The following MYRF variants were observed in gnomAD, a reference collection of about 807,000 sequenced individuals.
MYRF encodes the protein myelin regulatory factor.
In MYRF, 16 loss-of-function variants were observed where a neutral mutation model predicts 126.3. The ratio of observed to expected loss-of-function variants is 0.13; its 90% CI spans 0.09 to 0.19. The LOEUF is 0.19. Among genes scored for constraint, MYRF ranks in the 10% least tolerant of loss-of-function variants. The probability of loss-of-function intolerance (pLI) is 1.00; values close to 1 mark genes in which losing one functional copy is unlikely to be tolerated. For synonymous variants in MYRF, 608 were observed against 635.3 expected, an observed-to-expected ratio of 0.96 and a Z score of 0.65; for missense variants, 1,104 against 1,547.0, an observed-to-expected ratio of 0.71 and a Z score of 4.80.
At chr11:61,752,960 G>T (rs2065646631) in intron 1 of MYRF, among the ~76,000 whole-genome samples, 170 bp downstream of exon 1, 1 of 151,900 alleles carries the variant, frequency 6.6e-6, no homozygotes, top group African/African-American at 2.4e-5. Context: ...GTCCCCCAGC[G>T]GTTACCACCC....
intron 7 of MYRF, among the ~76,000 whole-genome samples, chr11:61,773,642 G>A (rs2066286765): frequency 6.6e-6 from 1 of 152,168 alleles, no homozygotes; most frequent in African/African-American, 2.4e-5. Flanking sequence ...TGTGGGGAGG[G>A]CAGTCAAGCC....
Position 61,777,628 on chromosome 11 carries a change from G to A in MYRF, c.1792-106G>A, listed in dbSNP as rs1237270332. ...CCGATCTAACCACTCCAGTGGTGGG[G>A]TCTCCTCTCCACACTGCAGCCTCCA... On this transcript the variant is annotated intron_variant, in intron 12 of 26. Coordinates refer to ENST00000278836, the MANE Select transcript of MYRF (RefSeq NM_001127392.3). This position sits in a 1 kb window ranked among gnomAD's most constrained non-coding sequence, Gnocchi z 8.8. 6 of 1,311,734 alleles carry A rather than the reference G, an allele frequency of 4.6e-6. No individual in the cohort carries two copies. Among genetic ancestry groups the A allele is most frequent in the African/African-American group, 1.5e-5 (1 of 68,014 alleles). 81.3% of individuals were successfully genotyped at this position (1,311,734 alleles called of 1,614,324 possible). A position where few individuals can be genotyped will look rare whatever the true frequency, so the allele number is the denominator to read the frequency against.
At position 61,778,502 on chromosome 11, in the gene MYRF, G is replaced by C; in HGVS notation, c.2013+13G>C. The C allele has an allele frequency of 6.3e-7, 1 of 1,585,058 alleles. No homozygotes were observed. The highest frequency in any genetic ancestry group is 8.7e-7 in the Non-Finnish European group (1 of 1,153,590). ...GGTGGTGAACAAGGTCTGTGGGTGG[G>C]GGAATGGGAGGGAGCCCAGAGGCAA... On this transcript the variant is annotated intron_variant, in intron 14 of 26. Coordinates refer to ENST00000278836, the MANE Select transcript of MYRF (RefSeq NM_001127392.3). This position sits in a 1 kb window ranked among gnomAD's most constrained non-coding sequence, Gnocchi z 4.6.
At position 61,778,926 on chromosome 11, in the gene MYRF, T is replaced by G; in HGVS notation, c.2014-337T>G. On this transcript the variant is annotated intron_variant, in intron 14 of 26. Transcript: ENST00000278836. The surrounding 1 kb of genome is among the most constrained non-coding windows in gnomAD (Gnocchi z 4.6). ...AGCTGAATAGTGAAGTGCTGACATC[T>G]GAGACACCAGTCATCCGAGGGGCAG... 2 of 585,670 alleles carry G rather than the reference T, an allele frequency of 3.4e-6. No individual in the cohort carries two copies. Among genetic ancestry groups the G allele is most frequent in the Non-Finnish European group, 6.4e-6 (2 of 310,560 alleles). The allele number at this position is 585,670 out of a possible 1,614,324, so 36.3% of individuals were successfully genotyped here. A position where few individuals can be genotyped will look rare whatever the true frequency, so the allele number is the denominator to read the frequency against.
chr11:61,777,124 G>T lies in MYRF; in HGVS notation c.1591-140G>T. 1 of 919,788 alleles carries T rather than the reference G, an allele frequency of 1.1e-6. No individual in the cohort carries two copies. 57.0% of individuals were successfully genotyped at this position (919,788 alleles called of 1,614,324 possible). A position where few individuals can be genotyped will look rare whatever the true frequency, so the allele number is the denominator to read the frequency against. On this transcript the variant is annotated intron_variant, in intron 11 of 26. Transcript: ENST00000278836. The surrounding 1 kb of genome is among the most constrained non-coding windows in gnomAD (Gnocchi z 8.8). ...TGACAAAAAGTTGTCACAGTGGGAG[G>T]GACAGTTCAAGTTGGGCTTGGTGCA...
At chr11:61,784,422 C>T (rs767356529) in intron 25 of MYRF, 37 bp downstream of exon 25, 26 of 1,556,076 alleles carry the variant, frequency 1.7e-5, no homozygotes, top group South Asian at 2.3e-5. Context: ...CGGCCAGGCC[C>T]GAGCTGCTTC....
At chr11:61,784,064 T>G in intron 24 of MYRF, 139 bp downstream of exon 24, 1 of 1,131,052 alleles carries the variant, frequency 8.8e-7, no homozygotes, top group Non-Finnish European at 1.3e-6. Flanking sequence ...CTGACTTCAT[T>G]GCCTACTTCG....
chr11:61,761,264 G>GC (rs1555053559), intron 1 of MYRF, among the ~76,000 whole-genome samples: 4 of 151,584 alleles, frequency 2.6e-5, no homozygotes, highest in African/African-American at 4.8e-5. Flanking sequence ...GCTGGTGGGG[G>GC]GGGGGGCACA....
intron 7 of MYRF, 151 bp downstream of exon 7, chr11:61,772,103 C>A: frequency 8.3e-7 from 1 of 1,208,382 alleles, no homozygotes; most frequent in Non-Finnish European, 1.1e-6. Flanking sequence ...GACTGGCAGT[C>A]AGGGCTCCTG....
chr11:61,784,657 A>G, intron 25 of MYRF: 1 of 404,306 alleles, frequency 2.5e-6, no homozygotes, highest in Non-Finnish European at 4.5e-6. Context: ...GGATGAGTGC[A>G]ATGATGGAAA....
chr11:61,784,445 A>G (rs1356912380), intron 25 of MYRF, 60 bp downstream of exon 25: 6 of 1,419,928 alleles, frequency 4.2e-6, no homozygotes, highest in African/African-American at 1.4e-5. Flanking sequence ...TCCTGGCACA[A>G]CTGGGCCCCA....
At chr11:61,759,519 A>G (rs2065848980) in intron 1 of MYRF, among the ~76,000 whole-genome samples, 1 of 151,986 alleles carries the variant, frequency 6.6e-6, no homozygotes, top group African/African-American at 2.4e-5. Context: ...AAAATACAAC[A>G]ATTAGCCAGG....
At position 61,779,428 on chromosome 11, in the gene MYRF, G is replaced by A; in HGVS notation, c.2174+5G>A. 1 of 1,551,090 alleles carries A rather than the reference G, an allele frequency of 6.4e-7. No individual in the cohort carries two copies. The highest frequency in any genetic ancestry group is 2.4e-5 in the East Asian group (1 of 40,974). Reference sequence around the variant, plus strand: ...CGGCAGCTCGGGCGCCTTCAGGTAGGGGTGCGGGGTGGGGGAAGGTGAGAC... The same window carrying A: ...CGGCAGCTCGGGCGCCTTCAGGTAGAGGTGCGGGGTGGGGGAAGGTGAGAC... On this transcript the variant is annotated splice_donor_5th_base_variant and intron_variant, in intron 15 of 26. Coordinates refer to ENST00000278836, the MANE Select transcript of MYRF (RefSeq NM_001127392.3).
chr11:61,775,293 C>T (rs564136378), intron 8 of MYRF, among the ~76,000 whole-genome samples: 6 of 152,276 alleles, frequency 3.9e-5, no homozygotes, highest in Middle Eastern at 3.4e-3. Flanking sequence ...CCCTGCCCTC[C>T]GCTCCAGCTC....
In MYRF at chr11:61,781,055, T is replaced by C. The variant is rs771354185; in HGVS notation, c.2572+10T>C. ...CCCTCTTTGCTGCTGGGTGCGTGTCTGGGCAGGTCTGGGTAGGACAGGGAG... is the reference window on the plus strand; with the variant it reads ...CCCTCTTTGCTGCTGGGTGCGTGTCCGGGCAGGTCTGGGTAGGACAGGGAG... On this transcript the variant is annotated intron_variant, in intron 20 of 26. Transcript: ENST00000278836. The C allele has an allele frequency of 1.9e-6, 3 of 1,609,818 alleles. No individual in the cohort carries two copies. Among genetic ancestry groups the C allele is most frequent in the Non-Finnish European group, 2.5e-6 (3 of 1,179,894 alleles).
Position 61,770,287 on chromosome 11 carries a change from C to T in MYRF, c.502C>T (p.His168Tyr), listed in dbSNP as rs368972206. The T allele has an allele frequency of 1.6e-5, 25 of 1,608,034 alleles. No homozygotes were observed. In the African/African-American group the frequency reaches 3.1e-4, roughly 20 times the overall value. The change falls in exon 5 of 27, where the codon CAC becomes TAC. Residue 168 changes from histidine to tyrosine, a missense_variant. His to Tyr is a moderately conservative substitution (Grantham distance 83). Coordinates refer to ENST00000278836, the MANE Select transcript of MYRF (RefSeq NM_001127392.3). ...CACGATAACCCCTGAGACACTGTGC[C>T]ACGTGGGAGTGCCCTCCCGCCTGGA... ...LRTITPETLC[H>Y]VGVPSRLEHP...
At chr11:61,782,915 G>C (rs945137230) in intron 22 of MYRF, 1 of 152,560 alleles carries the variant, frequency 6.6e-6, no homozygotes, top group Non-Finnish European at 1.5e-5. Context: ...CCCCTTCCTG[G>C]GTGGATAGTC....
In MYRF at chr11:61,766,041, A is replaced by G; in HGVS notation, c.218A>G (p.His73Arg). The G allele has an allele frequency of 6.3e-7, 1 of 1,598,948 alleles. No individual in the cohort carries two copies. The highest frequency in any genetic ancestry group is 8.5e-7 in the Non-Finnish European group (1 of 1,175,260). Reference sequence around the variant, plus strand: ...GCGATGCCTGGCTCCAGCGGGGTCCACCACCTGAGCCCCCCTGGGGGTGGA... The same window carrying G: ...GCGATGCCTGGCTCCAGCGGGGTCCGCCACCTGAGCCCCCCTGGGGGTGGA... ...QPAMPGSSGVHHLSPPGGGPS... is the reference protein window; with the variant it reads ...QPAMPGSSGVRHLSPPGGGPS... Residue 73 changes from histidine to arginine, a missense_variant, in exon 3 of 27, where the codon CAC becomes CGC. Physicochemically the swap from His to Arg is conservative, Grantham distance 29 (BLOSUM62 0). Transcript: ENST00000278836.
chr11:61,779,229 T>G (rs897244119), intron 14 of MYRF, 34 bp from the exon 15 acceptor site: 37 of 1,520,664 alleles, frequency 2.4e-5, no homozygotes, highest in Non-Finnish European at 3.3e-5. Flanking sequence ...CCCTCTGTGT[T>G]GGCCCATGGC....
Sources: allele counts gnomAD v4.1 joint callset (sites outside exome capture counted in the v4.1 genomes callset), GRCh38; gene constraint gnomAD v4.1.1; non-coding constraint Gnocchi (gnomAD v3.1); transcripts MANE v1.5; gene names NCBI Gene and HGNC (gene_info 2026-07-23, HGNC 2026-07-21).